Variants in TUB observed in about 807,000 individuals in gnomAD.
TUB encodes the protein tubby protein homolog.
A neutral mutation model predicts 59.7 loss-of-function variants in TUB; 33 were observed. The ratio of observed to expected loss-of-function variants is 0.55; its 90% confidence interval spans 0.42 to 0.74. TUB has a LOEUF of 0.74. Ranked by LOEUF, TUB falls within the 30% of genes least tolerant of loss-of-function variation. The probability of loss-of-function intolerance (pLI) is 0.00; values close to 1 mark genes in which losing one functional copy is unlikely to be tolerated. For missense variants in TUB, 659 were observed against 672.0 expected (o/e 0.98, Z 0.21); for synonymous variants, 293 against 256.4 (o/e 1.14, Z -1.36).
At chr11:8,098,421 T>C (rs1944104625) in intron 8 of TUB, among the ~76,000 whole-genome samples, 1 of 152,186 alleles carries the variant, frequency 6.6e-6, no homozygotes, top group Non-Finnish European at 1.5e-5. Flanking sequence ...GTGCTAAGCC[T>C]CTTCCACTGT....
intron 9 of TUB, among the ~76,000 whole-genome samples, chr11:8,099,768 C>A (rs538338535): frequency 6.6e-6 from 1 of 152,110 alleles, no homozygotes; most frequent in Admixed American, 6.5e-5. Flanking sequence ...GGGAGGGCGT[C>A]ACTGAGGTAG....
chr11:8,088,171 C>G (rs1274698799), intron 1 of TUB, among the ~76,000 whole-genome samples: 1 of 152,200 alleles, frequency 6.6e-6, no homozygotes, highest in African/African-American at 2.4e-5. Flanking sequence ...CAAGGAAAGA[C>G]CTTCCCAGAT....
At chr11:8,049,581 A>ATAT in intron 2 of TUB, among the ~76,000 whole-genome samples, 1 of 67,606 alleles carries the variant, frequency 1.5e-5, no homozygotes, top group South Asian at 4.9e-4. Flanking sequence ...ATATATATAT[A>ATAT]GATAGATAGA....
chr11:8,048,773 A>G (rs941033504), intron 2 of TUB, among the ~76,000 whole-genome samples: 1 of 152,232 alleles, frequency 6.6e-6, no homozygotes, highest in Non-Finnish European at 1.5e-5. Flanking sequence ...ATTCATACTC[A>G]ATATCAATTA....
In TUB at chr11:8,091,746, C is replaced by T. The variant is rs1031137910; in HGVS notation, c.253+1515C>T. On this transcript the variant is annotated intron_variant, in intron 3 of 11. Transcript: ENST00000299506. Reference sequence around the variant, plus strand: ...CCTCAGCCCAGCTGTCTCACAGAGGCAGCCCCAGCTGCTCCTCACAGAGCT... The same window carrying T: ...CCTCAGCCCAGCTGTCTCACAGAGGTAGCCCCAGCTGCTCCTCACAGAGCT... 2.2e-4 allele frequency among the ~76,000 whole-genome samples: 34 copies of T among 152,310 alleles called. No homozygotes were observed. The Middle Eastern group carries it at 0.01, about 46-fold the overall frequency.
At chr11:8,070,156 T>G (rs1043241483) in intron 2 of TUB, among the ~76,000 whole-genome samples, 3 of 152,176 alleles carry the variant, frequency 2.0e-5, no homozygotes, top group Non-Finnish European at 4.4e-5. Context: ...TCTCTGTACA[T>G]TATCAAGTTT....
At chr11:8,084,768 C>T (rs1366142894) in intron 1 of TUB, among the ~76,000 whole-genome samples, 1 of 152,206 alleles carries the variant, frequency 6.6e-6, no homozygotes, top group Non-Finnish European at 1.5e-5. Context: ...CACCTGGGTT[C>T]TAAGCACACC....
intron 6 of TUB, 151 bp downstream of exon 6, chr11:8,096,957 C>A: frequency 2.1e-6 from 2 of 961,968 alleles, no homozygotes; most frequent in Non-Finnish European, 3.2e-6. Flanking sequence ...ACCTCTTCAG[C>A]TAGGCCAGCA....
chr11:8,039,695 G>A, intron 2 of TUB: 1 of 1,534,288 alleles, frequency 6.5e-7, no homozygotes, highest in East Asian at 2.5e-5. Context: ...ATCGCTCGGT[G>A]AGCTGGAGGG....
chr11:8,095,184 T>C (rs559568892), intron 4 of TUB, among the ~76,000 whole-genome samples: 5 of 152,324 alleles, frequency 3.3e-5, no homozygotes, highest in African/African-American at 1.2e-4. Flanking sequence ...CAGTCCTTGT[T>C]CTCCATCTTG....
chr11:8,088,838 A>G (rs1037716815), intron 1 of TUB, among the ~76,000 whole-genome samples: 3 of 152,206 alleles, frequency 2.0e-5, no homozygotes, highest in African/African-American at 7.2e-5. Flanking sequence ...CCCTGTCCCA[A>G]GACTGGTGGG....
At chr11:8,026,158 G>A (rs1942497783) in intron 1 of TUB, among the ~76,000 whole-genome samples, 1 of 152,130 alleles carries the variant, frequency 6.6e-6, no homozygotes, top group South Asian at 2.1e-4. Flanking sequence ...AAGTTGGATT[G>A]TTTTCTTTTT....
chr11:8,071,555 G>C (rs1943360496), intron 2 of TUB, among the ~76,000 whole-genome samples: 1 of 152,092 alleles, frequency 6.6e-6, no homozygotes, highest in East Asian at 1.9e-4. Context: ...TGAGAACATG[G>C]GCCTACAACA....
Position 8,097,391 on chromosome 11 carries a change from A to T in TUB, c.851A>T (p.Tyr284Phe). 3 of 1,614,064 alleles carry T rather than the reference A, an allele frequency of 1.9e-6. No homozygotes were observed. The highest frequency in any genetic ancestry group is 2.5e-6 in the Non-Finnish European group (3 of 1,179,994). The change falls in exon 7 of 12, where the codon TAC (tyrosine) becomes TTC (phenylalanine). Residue 284 changes from tyrosine to phenylalanine, a missense_variant. Tyr to Phe is a conservative substitution (Grantham distance 22, BLOSUM62 3). Coordinates refer to ENST00000299506, the MANE Select transcript of TUB (RefSeq NM_177972.3). ...KGMDRGMYPT[Y>F]FLHLDREDGK... ...ATGGACCGGGGCATGTACCCCACCT[A>T]CTTTCTGCACCTGGACCGTGAGGAT...
rs946472880 is a variant in TUB at position 8,096,693 on chromosome 11, A to C, written c.574A>C (p.Ser192Arg). The change falls in exon 6 of 12, where the codon AGC becomes CGC. Residue 192 changes from serine to arginine, a missense_variant. Coordinates refer to ENST00000299506, the MANE Select transcript of TUB (RefSeq NM_177972.3). Reference sequence around the variant, plus strand: ...TTCTCTCCTTGGCCCAGGCATCTCCAGCAGCATGAGCTTTGACGAGGATGA... The same window carrying C: ...TTCTCTCCTTGGCCCAGGCATCTCCCGCAGCATGAGCTTTGACGAGGATGA... ...RATMQRKGISSSMSFDEDEED... is the reference protein window; with the variant it reads ...RATMQRKGISRSMSFDEDEED... The C allele has an allele frequency of 2.5e-6, 4 of 1,606,930 alleles. No homozygotes were observed. Among genetic ancestry groups the C allele is most frequent in the Non-Finnish European group, 3.4e-6 (4 of 1,173,588 alleles).
In TUB at chr11:8,097,241, C is replaced by G. The variant is rs372872825; in HGVS notation, c.701C>G (p.Ala234Gly). 13 of 1,613,972 alleles carry G rather than the reference C, an allele frequency of 8.1e-6. No homozygotes were observed. In the Admixed American group the frequency reaches 8.3e-5, roughly 10 times the overall value. ...GCATCCCCATAGGAGGCAGCCTCAG[C>G]CCCTAGCCCAACAGCTCCAGAGCAA... ...SRKSVREAAS[A>G]PSPTAPEQPV... Residue 234 changes from alanine (A) to glycine (G), a missense_variant, in exon 7 of 12, where the codon GCC (alanine) becomes GGC (glycine). Physicochemically the swap from Ala to Gly is moderately conservative, Grantham distance 60 (BLOSUM62 0). Around this residue, in one of 3 missense-constraint regions of TUB, gnomAD observed 112 missense variants for 156.9 expected, o/e 0.71. Coordinates refer to ENST00000299506, the MANE Select transcript of TUB (RefSeq NM_177972.3).
upstream of TUB, among the ~76,000 whole-genome samples, chr11:8,078,186 G>T (rs1217153343): frequency 1.3e-5 from 2 of 152,114 alleles, no homozygotes; most frequent in African/African-American, 2.4e-5. Context: ...GAGGGTCTCT[G>T]TTGGGCTGCT....
chr11:8,096,764 T>C lies in TUB; in HGVS notation c.645T>C (p.Ser215=). 6.2e-7 allele frequency: 1 copy of C among 1,614,114 alleles called. No individual in the cohort carries two copies. The highest frequency in any genetic ancestry group is 8.5e-7 in the Non-Finnish European group (1 of 1,179,982). The stretch of plus-strand genomic sequence containing the variant: ...GCTCCAGCTCCTCCCAGCTAAATAG[T>C]AACACCCGCCCCAGCTCTGCTACTA... ...ENSSSSSQLN[S]NTRPSSATSR... The change falls in exon 6 of 12, where the codon AGT becomes AGC. Residue 215 remains serine (S), a synonymous_variant. Coordinates refer to ENST00000299506, the MANE Select transcript of TUB (RefSeq NM_177972.3).
intron 2 of TUB, among the ~76,000 whole-genome samples, chr11:8,053,896 A>G (rs902352298): frequency 5.3e-5 from 8 of 150,622 alleles, no homozygotes; most frequent in African/African-American, 1.9e-4. Flanking sequence ...CAGGCAGATC[A>G]AGAGGTCAGG....
Sources: allele counts gnomAD v4.1 joint callset (sites outside exome capture counted in the v4.1 genomes callset), GRCh38; gene constraint gnomAD v4.1.1; regional missense constraint gnomAD v4.1.1; transcripts MANE v1.5; gene names NCBI Gene and HGNC (gene_info 2026-07-23, HGNC 2026-07-21).